Variants in LHX9 observed in about 807,000 individuals in gnomAD.
LHX9 encodes LIM/homeobox protein Lhx9.
Under a neutral mutation model 36.5 loss-of-function variants are expected in LHX9, and 9 were observed. The ratio of observed to expected loss-of-function variants is 0.25; its 90% CI spans 0.15 to 0.43. The LOEUF is 0.43. Ranked by LOEUF, LHX9 falls within the 20% of genes least tolerant of loss-of-function variation. The pLI is 1.00. For missense variants in LHX9, 464 were observed against 526.4 expected, an observed-to-expected ratio of 0.88 and a Z score of 1.16; for synonymous variants, 211 against 212.1, an observed-to-expected ratio of 0.99 and a Z score of 0.04.
chr1:197,934,776 T>C lies in LHX9; in HGVS notation c.*5517T>C, dbSNP rs1660410499. 7.2e-6 allele frequency: 1 copy of C among 138,148 alleles called. No homozygotes were observed. The allele number at this position is 138,148 out of a possible 1,614,324, so 8.6% of individuals were successfully genotyped here. A position where few individuals can be genotyped will look rare whatever the true frequency, so the allele number is the denominator to read the frequency against. ...CCCTGCTTCTAGCCAATGTCAAAAA[T>C]AGGAAGTTTTTTTAATGGTTTACTG... On this transcript the variant is annotated 3_prime_UTR_variant, in exon 5 of 5. Transcript: ENST00000367387.
At chr1:197,916,585 C>T (rs1240251978), upstream of LHX9, 1 of 687,672 alleles carries the variant, frequency 1.5e-6, no homozygotes, top group African/African-American at 1.8e-5. Context: ...ATGGCCAAGG[C>T]GCAATTGCGT....
In LHX9 at chr1:197,930,476, T is replaced by G. The variant is rs1448345350; in HGVS notation, c.*1217T>G. 2 of 152,050 alleles carry G rather than the reference T, an allele frequency of 1.3e-5. No individual in the cohort carries two copies. Among genetic ancestry groups the G allele is most frequent in the African/African-American group, 4.8e-5 (2 of 41,446 alleles). The allele number at this position is 152,050 out of a possible 1,614,324, so 9.4% of individuals were successfully genotyped here. On this transcript the variant is annotated 3_prime_UTR_variant, in exon 5 of 5. Transcript: ENST00000367387. ...AGTGGTGAATGTTCATCTATTACGC[T>G]TCTGTTGTAGTTAAATACCAATTAG...
chr1:197,918,009 C>T lies in LHX9; in HGVS notation c.174+12C>T. 3 of 1,605,566 alleles carry T rather than the reference C, an allele frequency of 1.9e-6. No individual in the cohort carries two copies. Among genetic ancestry groups the T allele is most frequent in the Non-Finnish European group, 2.5e-6 (3 of 1,176,748 alleles). ...ACGGCCGCGACGCGGTAAGGAAGGG[C>T]TCCGCCGCGGCGGTAGCCGGGCACC... On this transcript the variant is annotated intron_variant, in intron 1 of 4. Coordinates refer to ENST00000367387, the MANE Select transcript of LHX9 (RefSeq NM_020204.3).
At position 197,929,530 on chromosome 1, in the gene LHX9, G is replaced by T; in HGVS notation, c.*271G>T. The T allele has an allele frequency of 1.0e-6, 1 of 956,998 alleles. No individual in the cohort carries two copies. The allele number at this position is 956,998 out of a possible 1,614,324, so 59.3% of individuals were successfully genotyped here. The stretch of plus-strand genomic sequence containing the variant: ...CTTTCAGTTGGTAAGGAGAGTTTTT[G>T]AATAATTCTAATAAGTGCCTCTTAA... On this transcript the variant is annotated 3_prime_UTR_variant, in exon 5 of 5. Transcript: ENST00000367387.
chr1:197,929,109 A>G lies in LHX9; in HGVS notation c.1044A>G (p.Ala348=), dbSNP rs750193071. Reference sequence around the variant, plus strand: ...CGTCGCTTCCGGCCCCGCCCTCAGCAGACAGCGGAGCTCTCACTCCACCCG... The same window carrying G: ...CGTCGCTTCCGGCCCCGCCCTCAGCGGACAGCGGAGCTCTCACTCCACCCG... ...DGTSLPAPPS[A]DSGALTPPGT... The change falls in exon 5 of 5, where the codon GCA becomes GCG. Residue 348 remains alanine, a synonymous_variant. Transcript: ENST00000367387. 9.3e-6 allele frequency: 15 copies of G among 1,613,650 alleles called. No homozygotes were observed. In the Admixed American group the frequency reaches 2.5e-4, roughly 27 times the overall value.
intron 3 of LHX9, among the ~76,000 whole-genome samples, chr1:197,924,739 CAG>C (rs1660094214): frequency 6.6e-6 from 1 of 152,208 alleles, no homozygotes; most frequent in African/African-American, 2.4e-5. Flanking sequence ...ACTTCATTCT[CAG>C]AAGGTTACAT....
rs747939801 is a variant in LHX9 at position 197,919,982 on chromosome 1, C to T, written c.185C>T (p.Pro62Leu). The T allele has an allele frequency of 4.8e-5, 78 of 1,613,962 alleles. No individual in the cohort carries two copies. The highest frequency in any genetic ancestry group is 6.4e-5 in the Non-Finnish European group (75 of 1,180,034). ...GTGCTTTCTTTGCAGGGCATGCCCC[C>T]GCTCAGCCCGGAGAAGCCCGCCCTG... ...QLNGRDAGMP[P>L]LSPEKPALCA... Residue 62 changes from proline to leucine, a missense_variant, in exon 2 of 5, where the codon CCG (proline) becomes CTG (leucine). Physicochemically the swap from Pro to Leu is moderately conservative, Grantham distance 98. Coordinates refer to ENST00000367387, the MANE Select transcript of LHX9 (RefSeq NM_020204.3).
intron 1 of LHX9, chr1:197,918,712 C>G (rs2102592479): frequency 8.9e-6 from 2 of 224,740 alleles, no homozygotes; most frequent in East Asian, 1.8e-4. Context: ...ACCACTGTTT[C>G]TACTATCCAT....
Position 197,929,047 on chromosome 1 carries a change from C to T in LHX9, c.982C>T (p.Arg328Trp), listed in dbSNP as rs1186020575. 1 of 1,612,836 alleles carries T rather than the reference C, an allele frequency of 6.2e-7. No homozygotes were observed. Among genetic ancestry groups the T allele is most frequent in the Non-Finnish European group, 8.5e-7 (1 of 1,179,612 alleles). ...AGCCAAATTCAGAAGGAACCTTTTG[C>T]GGCAGGAGAATGGGGGTGTTGATAA... is the stretch of plus-strand genomic sequence containing the variant. ...ARAKFRRNLL[R>W]QENGGVDKAD... The change falls in exon 5 of 5, where the codon CGG becomes TGG. Residue 328 changes from arginine (R) to tryptophan (W), a missense_variant. Around this residue, in one of 5 missense-constraint regions of LHX9, gnomAD observed 102 missense variants for 97.0 expected, o/e 1.05. Coordinates refer to ENST00000367387, the MANE Select transcript of LHX9 (RefSeq NM_020204.3).
chr1:197,919,402 A>T (rs1369636820), intron 1 of LHX9, among the ~76,000 whole-genome samples: 1 of 152,272 alleles, frequency 6.6e-6, no homozygotes, highest in Non-Finnish European at 1.5e-5. Context: ...AGCCCTGAAA[A>T]TTAGGGAACA....
In LHX9 at chr1:197,934,795, T is replaced by C. The variant is rs1469351541; in HGVS notation, c.*5536T>C. ...CAAAAATAGGAAGTTTTTTTAATGG[T>C]TTACTGTTGATTTTAAACATTTTAA... On this transcript the variant is annotated 3_prime_UTR_variant, in exon 5 of 5. Coordinates refer to ENST00000367387, the MANE Select transcript of LHX9 (RefSeq NM_020204.3). The C allele has an allele frequency of 1.3e-5, 2 of 152,070 alleles. No individual in the cohort carries two copies. Among genetic ancestry groups the C allele is most frequent in the Non-Finnish European group, 2.9e-5 (2 of 67,996 alleles). The allele number at this position is 152,070 out of a possible 1,614,324, so 9.4% of individuals were successfully genotyped here. A position where few individuals can be genotyped will look rare whatever the true frequency, so the allele number is the denominator to read the frequency against.
chr1:197,925,636 G>T (rs1348566113), intron 3 of LHX9, among the ~76,000 whole-genome samples: 1 of 152,044 alleles, frequency 6.6e-6, no homozygotes, highest in African/African-American at 2.4e-5. Context: ...ATCCATTTGA[G>T]GATATGAAAG....
At position 197,929,475 on chromosome 1, in the gene LHX9, T is replaced by A. The variant is rs1388449870; in HGVS notation, c.*216T>A. On this transcript the variant is annotated 3_prime_UTR_variant, in exon 5 of 5. Transcript: ENST00000367387. ...AAGTGAATATATTTTGTCTACAAAG[T>A]GTATTTGGATTTAAAAAAATTAATT... The A allele has an allele frequency of 2.9e-6, 3 of 1,045,412 alleles. No homozygotes were observed. The highest frequency in any genetic ancestry group is 3.5e-6 in the Non-Finnish European group (3 of 866,546). The allele number at this position is 1,045,412 out of a possible 1,614,324, so 64.8% of individuals were successfully genotyped here.
intron 3 of LHX9, among the ~76,000 whole-genome samples, chr1:197,927,099 G>A (rs1040358052): frequency 6.6e-6 from 1 of 152,162 alleles, no homozygotes; most frequent in African/African-American, 2.4e-5. Context: ...TCAGACTTGA[G>A]GGAGTAGTAA....
At chr1:197,919,902 G>A (rs895754426) in intron 1 of LHX9, 70 bp from the exon 2 acceptor site, 3 of 1,536,008 alleles carry the variant, frequency 2.0e-6, no homozygotes, top group African/African-American at 1.4e-5. Flanking sequence ...TGGTCTGCCT[G>A]GGGGAGAACC....
intron 4 of LHX9, among the ~76,000 whole-genome samples, chr1:197,928,750 A>T (rs1193127819): frequency 6.6e-6 from 1 of 152,120 alleles, no homozygotes; most frequent in East Asian, 1.9e-4. Flanking sequence ...GCACTTGTTA[A>T]TGCTACAGGG....
In LHX9 at chr1:197,927,717, C is replaced by T. The variant is rs756372392; in HGVS notation, c.860C>T (p.Ala287Val). The change falls in exon 4 of 5, where the codon GCC becomes GTC. Residue 287 changes from alanine to valine, a missense_variant. Physicochemically the swap from Ala to Val is moderately conservative, Grantham distance 64. Coordinates refer to ENST00000367387, the MANE Select transcript of LHX9 (RefSeq NM_020204.3). ...HQLRTMKSYF[A>V]INHNPDAKDL... The stretch of plus-strand genomic sequence containing the variant: ...CTCCGGACCATGAAATCCTACTTTG[C>T]CATCAACCACAACCCGGATGCCAAG... 3.7e-6 allele frequency: 6 copies of T among 1,614,036 alleles called. No individual in the cohort carries two copies. Among genetic ancestry groups the T allele is most frequent in the Middle Eastern group, 1.6e-4 (1 of 6,084 alleles).
chr1:197,929,146 A>G lies in LHX9; in HGVS notation c.1081A>G (p.Thr361Ala), dbSNP rs1288485946. The G allele has an allele frequency of 6.2e-7, 1 of 1,613,202 alleles. No homozygotes were observed. Among genetic ancestry groups the G allele is most frequent in the East Asian group, 2.2e-5 (1 of 44,826 alleles). ...GALTPPGTATTLTDLTNPTIT... is the reference protein window; with the variant it reads ...GALTPPGTATALTDLTNPTIT... Reference sequence around the variant, plus strand: ...TCTCACTCCACCCGGCACTGCGACCACTTTAACAGACCTGACCAATCCCAC... The same window carrying G: ...TCTCACTCCACCCGGCACTGCGACCGCTTTAACAGACCTGACCAATCCCAC... Residue 361 changes from threonine to alanine, a missense_variant, in exon 5 of 5, where the codon ACT becomes GCT. Thr to Ala is a moderately conservative substitution (Grantham distance 58). Coordinates refer to ENST00000367387, the MANE Select transcript of LHX9 (RefSeq NM_020204.3).
chr1:197,928,055 T>C (rs752378068), intron 4 of LHX9, among the ~76,000 whole-genome samples: 4 of 152,174 alleles, frequency 2.6e-5, no homozygotes, highest in Non-Finnish European at 5.9e-5. Flanking sequence ...GCACAGCTTG[T>C]CTCACTGCTG....
Sources: gnomAD v4.1 joint callset for allele counts (sites outside exome capture counted in the v4.1 genomes callset) on GRCh38, gnomAD v4.1.1 for gene constraint, gnomAD v4.1.1 regional missense constraint, MANE v1.5 for transcripts, NCBI Gene and HGNC (gene_info 2026-07-23, HGNC 2026-07-21) for gene names.